Variants in CTNNA2 observed in about 807,000 individuals in gnomAD.
CTNNA2 encodes the protein catenin alpha 2.
CTNNA2 carries 42 observed loss-of-function variants against 101.0 expected under a neutral mutation model. That is an observed-to-expected ratio of 0.42 (90% confidence interval 0.32 to 0.54). The LOEUF (loss-of-function observed/expected upper bound fraction) is 0.54, where lower values mean the gene tolerates loss of function less well. Ranked by LOEUF, CTNNA2 falls within the 20% of genes least tolerant of loss-of-function variation. The pLI, the probability that CTNNA2 is intolerant of heterozygous loss-of-function variation, is 0.14. For synonymous variants in CTNNA2, 450 were observed against 456.4 expected (o/e 0.99, Z 0.18); for missense variants, 871 against 1,223.1 (o/e 0.71, Z 4.29).
At chr2:80,451,210 C>T (rs563873555) in intron 9 of CTNNA2, among the ~76,000 whole-genome samples, 24 of 152,048 alleles carry the variant, frequency 1.6e-4, no homozygotes, top group Non-Finnish European at 3.5e-4. Flanking sequence ...TTCCCATAAT[C>T]CCCATGTCTC....
At chr2:80,421,819 A>C (rs1370891549) in intron 9 of CTNNA2, among the ~76,000 whole-genome samples, 1 of 151,846 alleles carries the variant, frequency 6.6e-6, no homozygotes, top group Non-Finnish European at 1.5e-5. Flanking sequence ...AAAAAAAAAA[A>C]ACCCAAACTT....
At chr2:80,060,357 G>A (rs1036411821) in intron 7 of CTNNA2, among the ~76,000 whole-genome samples, 3 of 152,128 alleles carry the variant, frequency 2.0e-5, no homozygotes, top group South Asian at 2.1e-4. Context: ...AGGTGGCAGC[G>A]GTTCTGGCGG....
chr2:80,599,549 C>A (rs1333180666), intron 15 of CTNNA2, among the ~76,000 whole-genome samples: 1 of 152,096 alleles, frequency 6.6e-6, no homozygotes, highest in African/African-American at 2.4e-5. Context: ...AATGGCACAA[C>A]TATTTTTTTT....
intron 8 of CTNNA2, among the ~76,000 whole-genome samples, chr2:80,402,247 G>A (rs1678619898): frequency 6.6e-6 from 1 of 152,182 alleles, no homozygotes; most frequent in Non-Finnish European, 1.5e-5. Context: ...CTCTGTGGGT[G>A]CACCACCTTC....
At chr2:80,224,839 C>CT (rs5832442) in intron 7 of CTNNA2, among the ~76,000 whole-genome samples, 30,071 of 151,396 alleles carry the variant, frequency 0.2, 4,002 homozygotes, top group African/African-American at 0.38. Flanking sequence ...AATTATACAG[C>CT]TTTTTTTTTC....
chr2:80,632,668 G>T (rs147677797), intron 18 of CTNNA2, among the ~76,000 whole-genome samples: 4 of 152,208 alleles, frequency 2.6e-5, no homozygotes, highest in Non-Finnish European at 5.9e-5. Context: ...ATGCCCTCAT[G>T]CTATGCTGGT....
intron 3 of CTNNA2, among the ~76,000 whole-genome samples, chr2:79,789,381 A>G (rs116216358): frequency 6.6e-6 from 1 of 152,296 alleles, no homozygotes; most frequent in African/African-American, 2.4e-5. Context: ...GCAACAGATG[A>G]GGCTTGCCAG....
At chr2:80,056,858 G>A (rs2104358701) in intron 7 of CTNNA2, among the ~76,000 whole-genome samples, 1 of 152,244 alleles carries the variant, frequency 6.6e-6, no homozygotes, top group Admixed American at 6.5e-5. Flanking sequence ...ACCAACTCTG[G>A]CAATATCTCT....
intron 2 of CTNNA2, among the ~76,000 whole-genome samples, chr2:79,242,648 G>C (rs1390455308): frequency 6.6e-6 from 1 of 152,054 alleles, no homozygotes; most frequent in African/African-American, 2.4e-5. Flanking sequence ...GAAGGTATTG[G>C]AGAGCTATTA....
intron 1 of CTNNA2, among the ~76,000 whole-genome samples, chr2:79,630,868 T>C (rs1020893723): frequency 3.3e-5 from 5 of 150,226 alleles, no homozygotes; most frequent in African/African-American, 1.3e-4. Flanking sequence ...ATGGCTGAGT[T>C]TGTGCTCTAA....
At chr2:80,425,989 G>A (rs778295499) in intron 9 of CTNNA2, among the ~76,000 whole-genome samples, 2 of 151,980 alleles carry the variant, frequency 1.3e-5, no homozygotes, top group Non-Finnish European at 2.9e-5. Context: ...TAAAATTTGG[G>A]GAAACTTCCA....
At chr2:80,575,551 A>G (rs1315698647) in intron 13 of CTNNA2, among the ~76,000 whole-genome samples, 2 of 152,124 alleles carry the variant, frequency 1.3e-5, no homozygotes, top group Non-Finnish European at 2.9e-5. Context: ...TTAGGCCCAT[A>G]AGAAATTAGA....
At chr2:79,200,958 G>A (rs1180013302) in intron 2 of CTNNA2, among the ~76,000 whole-genome samples, 1 of 152,138 alleles carries the variant, frequency 6.6e-6, no homozygotes, top group African/African-American at 2.4e-5. Context: ...AAAAAAAACA[G>A]ATGTCAGAAC....
At chr2:79,828,081 T>C (rs564250587) in intron 3 of CTNNA2, among the ~76,000 whole-genome samples, 2 of 152,308 alleles carry the variant, frequency 1.3e-5, no homozygotes, top group African/African-American at 2.4e-5. Context: ...AAATAGAGTA[T>C]AAGCAATAAC....
At chr2:79,310,228 C>A (rs1211546891) in intron 2 of CTNNA2, among the ~76,000 whole-genome samples, 1 of 152,068 alleles carries the variant, frequency 6.6e-6, no homozygotes, top group Admixed American at 6.6e-5. Context: ...GTCGGAACTT[C>A]CAATATTATG....
At chr2:80,289,205 A>C (rs1421102850) in intron 7 of CTNNA2, 1 of 152,098 alleles carries the variant, frequency 6.6e-6, no homozygotes, top group Non-Finnish European at 1.5e-5. Flanking sequence ...ACTGGGAAGA[A>C]CCATAATATT....
rs898728161 is a variant in CTNNA2, at chr2:79,542,311, A to G, written c.-6+29104A>G. 2.0e-5 allele frequency among the ~76,000 whole-genome samples: 3 copies of G among 152,300 alleles called. No individual in the cohort carries two copies. The East Asian group carries it at 5.8e-4, about 29-fold the overall frequency. ...ATTACAAAATGCACTATGTTATCTG[A>G]TGTTAAAAGTAAAAGATTTATCCTA... On this transcript the variant is annotated intron_variant, in intron 1 of 18. Coordinates refer to ENST00000402739, the MANE Select transcript of CTNNA2 (RefSeq NM_001282597.3).
At chr2:79,923,903 G>A (rs1686845803) in intron 7 of CTNNA2, among the ~76,000 whole-genome samples, 1 of 152,070 alleles carries the variant, frequency 6.6e-6, no homozygotes, top group Non-Finnish European at 1.5e-5. Context: ...AAAACAGAAT[G>A]AAAGTTCTAC....
At chr2:80,266,971 G>A (rs1345960195) in intron 7 of CTNNA2, among the ~76,000 whole-genome samples, 2 of 152,108 alleles carry the variant, frequency 1.3e-5, no homozygotes, top group Admixed American at 1.3e-4. Context: ...CATCTAGAAT[G>A]GTGTTATTTT....
Sources: gnomAD v4.1 joint callset for allele counts (sites outside exome capture counted in the v4.1 genomes callset) on GRCh38, gnomAD v4.1.1 for gene constraint, MANE v1.5 for transcripts, NCBI Gene and HGNC (gene_info 2026-07-23, HGNC 2026-07-21) for gene names.